ATRNL1: variants seen among roughly 807,000 people sequenced by gnomAD.
ATRNL1 encodes the protein attractin-like protein 1.
In ATRNL1, 95 loss-of-function variants were observed where a neutral mutation model predicts 182.7. The observed-to-expected ratio is 0.52, with a 90% CI of 0.44 to 0.62. The LOEUF is 0.62. Among genes scored for constraint, ATRNL1 ranks in the 20% least tolerant of loss-of-function variants. The pLI is 0.00. For missense variants in ATRNL1, 1,471 were observed against 1,679.5 expected (o/e 0.88, Z 2.17); for synonymous variants, 576 against 568.3 (o/e 1.01, Z -0.19).
chr10:115,157,268 T>G (rs1399073246), intron 5 of ATRNL1, among the ~76,000 whole-genome samples: 1 of 152,064 alleles, frequency 6.6e-6, no homozygotes, highest in Non-Finnish European at 1.5e-5. Context: ...TTAGATGTCC[T>G]TAAGTGTAGA....
chr10:115,272,835 A>C (rs748270912), intron 13 of ATRNL1, among the ~76,000 whole-genome samples: 1 of 152,204 alleles, frequency 6.6e-6, no homozygotes, highest in Non-Finnish European at 1.5e-5. Flanking sequence ...ACCAGTGAGC[A>C]TAGGCCCATT....
intron 25 of ATRNL1, among the ~76,000 whole-genome samples, chr10:115,527,996 CCCTT>C (rs1256687871): frequency 0.23 from 12,264 of 53,788 alleles, 2,088 homozygotes; most frequent in East Asian, 0.73. Context: ...CTCCCTCCCT[CCCTT>C]CCTTCCTTCC....
At chr10:115,696,870 C>CAA (rs1555049970) in intron 26 of ATRNL1, among the ~76,000 whole-genome samples, 4 of 133,956 alleles carry the variant, frequency 3.0e-5, no homozygotes, top group African/African-American at 1.1e-4. Flanking sequence ...CATATCAGAG[C>CAA]GAGAGAGAGA....
intron 28 of ATRNL1, 58 bp downstream of exon 28, chr10:115,848,049 A>C: frequency 1.1e-6 from 1 of 926,374 alleles, no homozygotes; most frequent in Non-Finnish European, 1.8e-6. Context: ...GAACAGAAGA[A>C]ATAAACAATA....
intron 27 of ATRNL1, among the ~76,000 whole-genome samples, chr10:115,735,543 T>A (rs1555065211): frequency 6.6e-6 from 1 of 152,040 alleles, no homozygotes; most frequent in East Asian, 1.9e-4. Flanking sequence ...CAATAAGAGA[T>A]TAACAGCCGT....
At chr10:115,329,005 T>C (rs1965218713) in intron 18 of ATRNL1, among the ~76,000 whole-genome samples, 1 of 152,210 alleles carries the variant, frequency 6.6e-6, no homozygotes, top group South Asian at 2.1e-4. Context: ...TGCTGGATCA[T>C]ATAGTATTAT....
At position 115,094,011 on chromosome 10, in the gene ATRNL1, G is replaced by A. The variant is rs782184348; in HGVS notation, c.261G>A (p.Gly87=). The part of the protein sequence containing the change: ...STCLCDPGWV[G]DQCQHCQGRF... ...GCCTCTGCGACCCGGGCTGGGTGGG[G>A]GACCAGTGCCAGCACTGCCAGGGCA... is the stretch of plus-strand genomic sequence containing the variant. Residue 87 remains glycine (G), a synonymous_variant, in exon 1 of 29, where the codon GGG becomes GGA. Coordinates refer to ENST00000355044, the MANE Select transcript of ATRNL1 (RefSeq NM_207303.4). 1.3e-6 allele frequency: 2 copies of A among 1,575,516 alleles called. No individual in the cohort carries two copies. The highest frequency in any genetic ancestry group is 3.5e-5 in the Admixed American group (2 of 56,512).
chr10:115,849,123 C>G (rs1555099812), intron 28 of ATRNL1, among the ~76,000 whole-genome samples: 1 of 152,162 alleles, frequency 6.6e-6, no homozygotes, highest in African/African-American at 2.4e-5. Context: ...CCTTCAGATT[C>G]ATCATTCATG....
intron 28 of ATRNL1, among the ~76,000 whole-genome samples, chr10:115,881,588 AT>A (rs1346863584): frequency 6.6e-6 from 1 of 152,144 alleles, no homozygotes; most frequent in Non-Finnish European, 1.5e-5. Flanking sequence ...CCCACCTCTG[AT>A]TTCTCAAAGA....
At chr10:115,167,237 C>A (rs1554884602) in intron 7 of ATRNL1, among the ~76,000 whole-genome samples, 1 of 151,530 alleles carries the variant, frequency 6.6e-6, no homozygotes, top group African/African-American at 2.4e-5. Context: ...TCTGGACTCT[C>A]TATTTTATTC....
chr10:115,844,484 T>C (rs1172744498), intron 27 of ATRNL1, among the ~76,000 whole-genome samples: 1 of 152,052 alleles, frequency 6.6e-6, no homozygotes, highest in African/African-American at 2.4e-5. Flanking sequence ...ACCTTGAAAA[T>C]CTTCATGATT....
chr10:115,494,276 G>A (rs1343503568), intron 24 of ATRNL1, among the ~76,000 whole-genome samples: 1 of 152,116 alleles, frequency 6.6e-6, no homozygotes, highest in African/African-American at 2.4e-5. Context: ...CATATAATTT[G>A]TGAAGAGAGA....
intron 26 of ATRNL1, among the ~76,000 whole-genome samples, chr10:115,551,769 A>G (rs1853005734): frequency 6.6e-6 from 1 of 151,538 alleles, no homozygotes; most frequent in African/African-American, 2.4e-5. Context: ...TTTGATGATT[A>G]TTAAAGATCT....
chr10:115,940,921 A>G (rs1207774229), intron 28 of ATRNL1, among the ~76,000 whole-genome samples: 1 of 152,188 alleles, frequency 6.6e-6, no homozygotes, highest in Non-Finnish European at 1.5e-5. Context: ...AAATGCAGTT[A>G]TTATGATTAT....
intron 20 of ATRNL1, among the ~76,000 whole-genome samples, chr10:115,421,859 T>C (rs559893986): frequency 2.6e-5 from 4 of 152,172 alleles, no homozygotes; most frequent in South Asian, 4.1e-4. Context: ...CATAGACCAA[T>C]GGATCAGAAT....
chr10:115,509,228 A>T (rs984717691), intron 24 of ATRNL1, among the ~76,000 whole-genome samples: 2 of 152,066 alleles, frequency 1.3e-5, no homozygotes, highest in Admixed American at 6.6e-5. Context: ...AAAATAGTAC[A>T]GCTCATTCAC....
chr10:115,941,408 G>C (rs1334794547), intron 28 of ATRNL1, among the ~76,000 whole-genome samples: 1 of 152,160 alleles, frequency 6.6e-6, no homozygotes, highest in Non-Finnish European at 1.5e-5. Context: ...TGGCAGTTTT[G>C]GATTAGCGTA....
rs782805332 is a variant in ATRNL1 at position 115,945,935 on chromosome 10, C to G, written c.*1156C>G. On this transcript the variant is annotated 3_prime_UTR_variant, in exon 29 of 29. Coordinates refer to ENST00000355044, the MANE Select transcript of ATRNL1 (RefSeq NM_207303.4). ...TGTCCATGGTTGCCCACAGTCAGCA[C>G]ACTCTTAGTGACTCAAAATTCTGAA... 1 of 152,308 alleles carries G rather than the reference C, an allele frequency of 6.6e-6. No homozygotes were observed. Among genetic ancestry groups the G allele is most frequent in the African/African-American group, 2.4e-5 (1 of 41,562 alleles). 9.4% of individuals were successfully genotyped at this position (152,308 alleles called of 1,614,324 possible).
intron 19 of ATRNL1, among the ~76,000 whole-genome samples, chr10:115,373,286 G>GT (rs1857491371): frequency 6.6e-6 from 1 of 151,926 alleles, no homozygotes; most frequent in Non-Finnish European, 1.5e-5. Flanking sequence ...GCAGTTTTCT[G>GT]TAAGAACTTG....
Sources: gnomAD v4.1 joint callset for allele counts (sites outside exome capture counted in the v4.1 genomes callset) on GRCh38, gnomAD v4.1.1 for gene constraint, MANE v1.5 for transcripts, NCBI Gene and HGNC (gene_info 2026-07-23, HGNC 2026-07-21) for gene names.